SLC25A21: variants seen among roughly 807,000 people sequenced by gnomAD.
SLC25A21 encodes solute carrier family 25 member 21, also known as mitochondrial 2-oxodicarboxylate carrier.
SLC25A21 carries 47 observed loss-of-function variants against 43.8 expected under a neutral mutation model. That is an observed-to-expected ratio of 1.07 (90% CI 0.85 to 1.37). The LOEUF is 1.37. Among genes scored for constraint, SLC25A21 ranks in the 40% most tolerant of loss-of-function variants. The pLI, the probability that SLC25A21 is intolerant of heterozygous loss-of-function variation, is 0.00. For missense variants in SLC25A21, 352 were observed against 350.2 expected (o/e 1.00, Z -0.04); for synonymous variants, 131 against 121.3 (o/e 1.08, Z -0.52).
At chr14:36,714,061 G>C (rs1166819373) in intron 6 of SLC25A21, among the ~76,000 whole-genome samples, 1 of 152,132 alleles carries the variant, frequency 6.6e-6, no homozygotes, top group Non-Finnish European at 1.5e-5. Flanking sequence ...TGAGATTGTT[G>C]AAAGAAGTCA....
Position 36,919,510 on chromosome 14 carries a change from T to C in SLC25A21, c.71-44506A>G, listed in dbSNP as rs894989291. On this transcript the variant is annotated intron_variant, in intron 1 of 9. Transcript: ENST00000331299. ...CACTTCCTACATTTAAAGCAATTTC[T>C]CTATCTCCTGAAATGTTTAATTTTC... 3.3e-5 allele frequency among the ~76,000 whole-genome samples: 5 copies of C among 152,048 alleles called. 1 individual carries two copies. The highest frequency in any genetic ancestry group is 6.3e-3 in the Middle Eastern group (2 of 316).
chr14:36,970,339 G>A (rs1000482702), intron 1 of SLC25A21, among the ~76,000 whole-genome samples: 4 of 152,148 alleles, frequency 2.6e-5, no homozygotes, highest in South Asian at 2.1e-4. Context: ...TGATGGAATC[G>A]TGAATGAATA....
intron 1 of SLC25A21, among the ~76,000 whole-genome samples, chr14:36,893,527 T>C (rs1262577225): frequency 6.6e-6 from 1 of 152,234 alleles, no homozygotes; most frequent in African/African-American, 2.4e-5. Flanking sequence ...TCTTTTGCTG[T>C]GCAGAAGCTC....
chr14:36,965,906 A>T (rs1202057796), intron 1 of SLC25A21, among the ~76,000 whole-genome samples: 1 of 152,232 alleles, frequency 6.6e-6, no homozygotes, highest in Non-Finnish European at 1.5e-5. Flanking sequence ...TAACACAAAG[A>T]ATAAATGCTT....
intron 3 of SLC25A21, among the ~76,000 whole-genome samples, chr14:36,812,567 A>G (rs1364606974): frequency 6.6e-6 from 1 of 151,704 alleles, no homozygotes; most frequent in Non-Finnish European, 1.5e-5. Flanking sequence ...TGTTTATAAT[A>G]GCAAGAATTT....
chr14:36,825,812 A>G (rs1327645616), intron 2 of SLC25A21, among the ~76,000 whole-genome samples: 1 of 152,226 alleles, frequency 6.6e-6, no homozygotes, highest in Non-Finnish European at 1.5e-5. Flanking sequence ...AGAAATCTAC[A>G]GTGAATACAT....
intron 3 of SLC25A21, among the ~76,000 whole-genome samples, chr14:36,740,238 T>A (rs946915469): frequency 6.6e-6 from 1 of 152,206 alleles, no homozygotes; most frequent in Admixed American, 6.5e-5. Flanking sequence ...TGGTCTCAGA[T>A]TGTTTATGCT....
chr14:36,978,860 C>G (rs1437629716), intron 1 of SLC25A21, among the ~76,000 whole-genome samples: 2 of 152,082 alleles, frequency 1.3e-5, no homozygotes. Flanking sequence ...TAATATCAAC[C>G]CGCTGTTCTA....
intron 1 of SLC25A21, among the ~76,000 whole-genome samples, chr14:37,080,197 C>G (rs1962359152): frequency 1.3e-5 from 2 of 152,100 alleles, no homozygotes. Flanking sequence ...AGATCAAGGC[C>G]CTGGCAATGC....
At chr14:36,780,419 G>GAGATAT (rs1431134860) in intron 3 of SLC25A21, among the ~76,000 whole-genome samples, 1 of 151,904 alleles carries the variant, frequency 6.6e-6, no homozygotes, top group Non-Finnish European at 1.5e-5. Flanking sequence ...GAGACATGAA[G>GAGATAT]TTAATTTGTT....
intron 3 of SLC25A21, among the ~76,000 whole-genome samples, chr14:36,796,578 G>C (rs1887682128): frequency 6.6e-6 from 1 of 151,966 alleles, no homozygotes; most frequent in Non-Finnish European, 1.5e-5. Flanking sequence ...ACCTTGGGGA[G>C]CTCACTACTT....
Position 37,137,804 on chromosome 14 carries a change from G to A in SLC25A21, c.70+34477C>T, listed in dbSNP as rs191842487. Among the ~76,000 whole-genome samples the A allele has an allele frequency of 1.8e-3, 277 of 152,204 alleles. 1 individual carries two copies. Among genetic ancestry groups the A allele is most frequent in the African/African-American group, 6.6e-3 (274 of 41,528 alleles). On this transcript the variant is annotated intron_variant, in intron 1 of 9. Transcript: ENST00000331299. ...TAAGGCATCAAGTCTTCCTTAAAAT[G>A]TATAGTCTACTACCATTTAACATGT...
At chr14:36,751,032 T>C (rs562567741) in intron 3 of SLC25A21, among the ~76,000 whole-genome samples, 1 of 152,310 alleles carries the variant, frequency 6.6e-6, no homozygotes, top group South Asian at 2.1e-4. Flanking sequence ...AGGGGCTTTG[T>C]TCCTCTGAGG....
chr14:36,954,871 A>T (rs1306270504), intron 1 of SLC25A21, among the ~76,000 whole-genome samples: 1 of 152,050 alleles, frequency 6.6e-6, no homozygotes, highest in Non-Finnish European at 1.5e-5. Context: ...AATTCTAGGC[A>T]TCCTTTAAGG....
chr14:37,038,859 C>T (rs1961383039), intron 1 of SLC25A21, among the ~76,000 whole-genome samples: 1 of 152,126 alleles, frequency 6.6e-6, no homozygotes, highest in Non-Finnish European at 1.5e-5. Context: ...TGGCCCCAGC[C>T]GACCAGGGTC....
intron 1 of SLC25A21, among the ~76,000 whole-genome samples, chr14:37,065,943 G>T (rs75976424): frequency 0.045 from 6,775 of 152,194 alleles, 487 homozygotes; most frequent in African/African-American, 0.15. Context: ...TTGTAGTAAA[G>T]ATTAAATTTA....
At chr14:36,806,884 G>A (rs1250996016) in intron 3 of SLC25A21, 1 of 152,176 alleles carries the variant, frequency 6.6e-6, no homozygotes, top group African/African-American at 2.4e-5. Flanking sequence ...GCTGAACTCT[G>A]GCAGTGTGGG....
At position 36,813,159 on chromosome 14, in the gene SLC25A21, C is replaced by T. The variant is rs151270345; in HGVS notation, c.203+759G>A. 2.2e-3 allele frequency among the ~76,000 whole-genome samples: 328 copies of T among 152,154 alleles called. 1 individual carries two copies. Among genetic ancestry groups the T allele is most frequent in the African/African-American group, 7.5e-3 (312 of 41,526 alleles). The stretch of plus-strand genomic sequence containing the variant: ...TTACACATGCCATGGTGGTTTGCTG[C>T]ACCCATCAGCCAGTCATCTACATTA... On this transcript the variant is annotated intron_variant, in intron 3 of 9. Transcript: ENST00000331299.
Position 36,791,947 on chromosome 14 carries a change from C to CT in SLC25A21, c.203+21970dup, listed in dbSNP as rs1035390582. Among the ~76,000 whole-genome samples the CT allele has an allele frequency of 1.7e-4, 26 of 151,296 alleles. No homozygotes were observed. In the South Asian group the frequency reaches 4.0e-3, roughly 23 times the overall value. On this transcript the variant is annotated intron_variant, in intron 3 of 9. Transcript: ENST00000331299. ...GTCTGAGTGCTGGATACATGGGTTT[C>CT]TTTTTTTTTCTAGCTTATGAAAATT...
Sources: gnomAD v4.1 joint callset for allele counts (sites outside exome capture counted in the v4.1 genomes callset) on GRCh38, gnomAD v4.1.1 for gene constraint, MANE v1.5 for transcripts, NCBI Gene and HGNC (gene_info 2026-07-23, HGNC 2026-07-21) for gene names.